The following CHD9 variants were observed in gnomAD, a reference collection of about 807,000 sequenced individuals.
CHD9 encodes ATP-dependent chromatin remodeler CHD9.
CHD9 carries 77 observed loss-of-function variants against 316.1 expected under a neutral mutation model. The observed-to-expected ratio is 0.24, with a 90% CI of 0.20 to 0.29. The LOEUF (loss-of-function observed/expected upper bound fraction) is 0.29. CHD9 is among the 10% of genes least tolerant of loss of function. The pLI is 1.00. For synonymous variants in CHD9, 1,129 were observed against 1,158.3 expected, an observed-to-expected ratio of 0.97 and a Z score of 0.51; for missense variants, 2,763 against 3,438.1, an observed-to-expected ratio of 0.80 and a Z score of 4.91.
At chr16:53,312,711 G>A (rs1388806301) in intron 34 of CHD9, among the ~76,000 whole-genome samples, 1 of 152,104 alleles carries the variant, frequency 6.6e-6, no homozygotes, top group South Asian at 2.1e-4. Context: ...ATTTATATTA[G>A]AATAGGAAGC....
rs961989273 is a variant in CHD9, at chr16:53,311,746, G to A, written c.7223-2631G>A. ...AGTGAATAGAGGATGGCAGAGCCAA[G>A]CAACCTGGGGTTTTTAATTCTGTCA... On this transcript the variant is annotated intron_variant, in intron 34 of 38. Transcript: ENST00000447540. 4 of 152,234 alleles carry A rather than the reference G, an allele frequency of 2.6e-5. No individual in the cohort carries two copies. The South Asian group carries it at 8.3e-4, about 31-fold the overall frequency. 9.4% of individuals were successfully genotyped at this position (152,234 alleles called of 1,614,324 possible).
At chr16:53,257,717 A>T (rs969536031) in intron 19 of CHD9, among the ~76,000 whole-genome samples, 1 of 152,180 alleles carries the variant, frequency 6.6e-6, no homozygotes, top group Non-Finnish European at 1.5e-5. Flanking sequence ...GTTGCCTGGG[A>T]CACAGATACA....
chr16:53,115,056 A>C (rs1396342849), intron 1 of CHD9, among the ~76,000 whole-genome samples: 1 of 152,220 alleles, frequency 6.6e-6, no homozygotes, highest in Non-Finnish European at 1.5e-5. Flanking sequence ...TGAGGTTTTC[A>C]GGACAGGTGT....
At chr16:53,125,411 A>G (rs2038930840) in intron 1 of CHD9, among the ~76,000 whole-genome samples, 1 of 151,768 alleles carries the variant, frequency 6.6e-6, no homozygotes, top group Non-Finnish European at 1.5e-5. Flanking sequence ...TTTAGTAGCA[A>G]TGGGGTTGGC....
At chr16:53,123,321 C>T (rs936802837) in intron 1 of CHD9, among the ~76,000 whole-genome samples, 2 of 151,902 alleles carry the variant, frequency 1.3e-5, no homozygotes, top group Admixed American at 6.6e-5. Context: ...AAACCCTGTA[C>T]ATAGCTATTA....
chr16:53,096,495 CT>C (rs2036391355), intron 1 of CHD9, among the ~76,000 whole-genome samples: 2 of 152,098 alleles, frequency 1.3e-5, no homozygotes. Context: ...TCTGGAAACT[CT>C]ATAAGTTAAG....
At chr16:53,101,020 A>T (rs2036827805) in intron 1 of CHD9, among the ~76,000 whole-genome samples, 2 of 152,128 alleles carry the variant, frequency 1.3e-5, no homozygotes, top group Non-Finnish European at 2.9e-5. Context: ...TTACTTGTTC[A>T]CTGTGCTCAT....
chr16:53,073,385 G>A (rs774347833), intron 1 of CHD9, among the ~76,000 whole-genome samples: 16 of 152,316 alleles, frequency 1.1e-4, no homozygotes, highest in South Asian at 8.3e-4. Flanking sequence ...TTTGTCTGTT[G>A]ATGTTCACTT....
At chr16:53,247,894 A>G (rs190036840) in intron 16 of CHD9, 1 of 158,720 alleles carries the variant, frequency 6.3e-6, no homozygotes, top group East Asian at 1.9e-4. Context: ...TTATAATTAG[A>G]GCCTTAAGTT....
In CHD9 at chr16:53,324,087, G is replaced by A. The variant is rs1313999264; in HGVS notation, c.7886G>A (p.Arg2629Lys). ...CCCGTTGTGAGAGAGGAAGTAAGCA[G>A]GCGGGGGAGACGGCCTAAAAGTGGA... Reference protein sequence around the residue: ...TGPVVREEVSRRGRRPKSGIA... With the variant: ...TGPVVREEVSKRGRRPKSGIA... Residue 2629 changes from arginine (R) to lysine (K), a missense_variant, in exon 39 of 39, where the codon AGG becomes AAG. By Grantham distance (26) the Arg-to-Lys change is conservative. Coordinates refer to ENST00000447540, the MANE Select transcript of CHD9 (RefSeq NM_001308319.2). 6.2e-7 allele frequency: 1 copy of A among 1,613,982 alleles called. No homozygotes were observed. Among genetic ancestry groups the A allele is most frequent in the Admixed American group, 1.7e-5 (1 of 60,026 alleles).
chr16:53,098,028 G>C (rs1215682358), intron 1 of CHD9, among the ~76,000 whole-genome samples: 2 of 152,196 alleles, frequency 1.3e-5, no homozygotes, highest in Non-Finnish European at 2.9e-5. Context: ...GTTGAGGCAG[G>C]AGAATCACTT....
rs762098762 is a variant in CHD9, at chr16:53,327,466, T to G, written c.*2571T>G. 4.6e-5 allele frequency: 7 copies of G among 152,732 alleles called. No individual in the cohort carries two copies. Among genetic ancestry groups the G allele is most frequent in the Middle Eastern group, 3.4e-3 (1 of 294 alleles). 9.5% of individuals were successfully genotyped at this position (152,732 alleles called of 1,614,324 possible). A position where few individuals can be genotyped will look rare whatever the true frequency, so the allele number is the denominator to read the frequency against. ...TTCTATAGAGCAAATGGAAGTTTAA[T>G]TATTTTTTATTAAACATATTCTTTG... is the stretch of plus-strand genomic sequence containing the variant. On this transcript the variant is annotated 3_prime_UTR_variant, in exon 39 of 39. Coordinates refer to ENST00000447540, the MANE Select transcript of CHD9 (RefSeq NM_001308319.2).
chr16:53,259,807 G>A (rs2050926122), intron 19 of CHD9, among the ~76,000 whole-genome samples: 1 of 152,076 alleles, frequency 6.6e-6, no homozygotes, highest in African/African-American at 2.4e-5. Context: ...GAGCCACTAT[G>A]CCCAGCCTGC....
At chr16:53,249,763 T>G in intron 16 of CHD9, 108 bp from the exon 17 acceptor site, 1 of 889,490 alleles carries the variant, frequency 1.1e-6, no homozygotes, top group Non-Finnish European at 1.7e-6. Context: ...TGCTTCTTAA[T>G]TTTAGAGAAA....
chr16:53,180,028 C>CTT (rs767442053), intron 2 of CHD9, among the ~76,000 whole-genome samples: 35,528 of 135,336 alleles, frequency 0.26, 5,032 homozygotes, highest in Non-Finnish European at 0.28. Flanking sequence ...ACCTTACCTT[C>CTT]TTTTTTTTTT....
At position 53,227,484 on chromosome 16, in the gene CHD9, AT is replaced by A; in HGVS notation, c.2112+24del. ...AAGGAAGTAAGTACTGGTACATTACATTTTACACTTCATATTCTGTGGCCTG... is the reference window on the plus strand; with the variant it reads ...AAGGAAGTAAGTACTGGTACATTACATTTACACTTCATATTCTGTGGCCTG... On this transcript the variant is annotated intron_variant, in intron 6 of 38. Coordinates refer to ENST00000447540, the MANE Select transcript of CHD9 (RefSeq NM_001308319.2). The A allele has an allele frequency of 6.6e-7, 1 of 1,506,256 alleles. No homozygotes were observed. The highest frequency in any genetic ancestry group is 1.3e-5 in the South Asian group (1 of 79,912). The allele number at this position is 1,506,256 out of a possible 1,614,324, so 93.3% of individuals were successfully genotyped here.
At chr16:53,089,791 T>G (rs2035779767) in intron 1 of CHD9, among the ~76,000 whole-genome samples, 1 of 152,160 alleles carries the variant, frequency 6.6e-6, no homozygotes, top group Admixed American at 6.5e-5. Context: ...CAAGGACCCA[T>G]TGTTGATGCC....
At chr16:53,174,643 C>T (rs919636557) in intron 2 of CHD9, among the ~76,000 whole-genome samples, 1 of 152,126 alleles carries the variant, frequency 6.6e-6, no homozygotes, top group African/African-American at 2.4e-5. Context: ...GAGCCTCACT[C>T]TGTCACCCAG....
intron 34 of CHD9, among the ~76,000 whole-genome samples, chr16:53,313,723 G>A (rs892983340): frequency 4.7e-5 from 7 of 150,136 alleles, no homozygotes; most frequent in African/African-American, 1.2e-4. Flanking sequence ...GGCCGAGGCC[G>A]GTGGATCACA....
Sources: gnomAD v4.1 joint callset for allele counts (sites outside exome capture counted in the v4.1 genomes callset) on GRCh38, gnomAD v4.1.1 for gene constraint, MANE v1.5 for transcripts, NCBI Gene and HGNC (gene_info 2026-07-23, HGNC 2026-07-21) for gene names.